Variants in INTS2 observed in about 807,000 individuals in gnomAD.
INTS2 encodes the protein integrator complex subunit 2, also known as KIAA1287.
INTS2 carries 57 observed loss-of-function variants against 139.6 expected under a neutral mutation model. The ratio of observed to expected loss-of-function variants is 0.41; its 90% CI spans 0.33 to 0.51. INTS2 has a LOEUF of 0.51. Ranked by LOEUF, INTS2 falls within the 20% of genes least tolerant of loss-of-function variation. INTS2 has a pLI of 0.28. For missense variants in INTS2, 1,196 were observed against 1,436.7 expected, an observed-to-expected ratio of 0.83 and a Z score of 2.71; for synonymous variants, 473 against 493.4, an observed-to-expected ratio of 0.96 and a Z score of 0.55.
intron 13 of INTS2, among the ~76,000 whole-genome samples, chr17:61,892,041 G>C (rs1159127375): frequency 6.6e-6 from 1 of 152,100 alleles, no homozygotes; most frequent in Non-Finnish European, 1.5e-5. Context: ...TTTGGAGAGA[G>C]AGAGATAGGT....
In INTS2 at chr17:61,927,862, G is replaced by T. The variant is rs568361766; in HGVS notation, c.-227C>A. ...GTCGATACAAAGTGGGAAGGATGGG[G>T]GCACCACACAAAGGCAGAACCGGGA... On this transcript the variant is annotated 5_prime_UTR_variant, in exon 1 of 25. Transcript: ENST00000251334. 1 of 1,613,724 alleles carries T rather than the reference G, an allele frequency of 6.2e-7. No individual in the cohort carries two copies. The highest frequency in any genetic ancestry group is 1.3e-5 in the African/African-American group (1 of 74,888).
chr17:61,882,978 G>GA lies in INTS2; in HGVS notation c.2090-1808dup, dbSNP rs1260705015. On this transcript the variant is annotated intron_variant, in intron 16 of 24. Transcript: ENST00000251334. This position sits in a 1 kb window ranked among gnomAD's most constrained non-coding sequence, Gnocchi z 4.7. ...AACAATACGCAATTCCGTTCTCATA[G>GA]AAACAGCTTAAAATTGATGTTTCTG... Among the ~76,000 whole-genome samples the GA allele has an allele frequency of 6.6e-6, 1 of 152,050 alleles. No individual in the cohort carries two copies. Among genetic ancestry groups the GA allele is most frequent in the Non-Finnish European group, 1.5e-5 (1 of 68,016 alleles).
rs1292257625 is a variant in INTS2, at chr17:61,893,262, T to C, written c.1698+503A>G. 6.6e-6 allele frequency among the ~76,000 whole-genome samples: 1 copy of C among 152,140 alleles called. No individual in the cohort carries two copies. Among genetic ancestry groups the C allele is most frequent in the Non-Finnish European group, 1.5e-5 (1 of 68,040 alleles). ...TACTGTATAATTATATAATTATAATTACTATCCCTAATTACTATACTTATA... is the reference window on the plus strand; with the variant it reads ...TACTGTATAATTATATAATTATAATCACTATCCCTAATTACTATACTTATA... On this transcript the variant is annotated intron_variant, in intron 13 of 24. Transcript: ENST00000251334. The surrounding 1 kb of genome is among the most constrained non-coding windows in gnomAD (Gnocchi z 5.4).
In INTS2 at chr17:61,919,432, A is replaced by C; in HGVS notation, c.617T>G (p.Leu206Trp). 6.3e-7 allele frequency: 1 copy of C among 1,595,264 alleles called. No homozygotes were observed. The highest frequency in any genetic ancestry group is 8.6e-7 in the Non-Finnish European group (1 of 1,167,908). The change falls in exon 5 of 25, where the codon TTG becomes TGG. Residue 206 changes from leucine to tryptophan, a missense_variant. Around this residue, in one of 3 missense-constraint regions of INTS2, gnomAD observed 1,129 missense variants for 1,341.9 expected, o/e 0.84. Transcript: ENST00000251334. Reference protein sequence around the residue: ...VRNGAWFLCLLVANVPDSFNE... With the variant: ...VRNGAWFLCLWVANVPDSFNE... ...AAAACTATCAGGAACATTGGCCACC[A>C]AGAGACACAAGAACCAGGCACCATT...
intron 5 of INTS2, among the ~76,000 whole-genome samples, chr17:61,916,880 T>C (rs1049117638): frequency 2.6e-5 from 4 of 152,118 alleles, no homozygotes; most frequent in South Asian, 2.1e-4. Context: ...GGAGAAAATA[T>C]TGACAAAAAT....
chr17:61,878,082 G>A lies in INTS2; in HGVS notation c.2261C>T (p.Ser754Leu). 1 of 1,605,384 alleles carries A rather than the reference G, an allele frequency of 6.2e-7. No homozygotes were observed. Among genetic ancestry groups the A allele is most frequent in the Middle Eastern group, 1.7e-4 (1 of 6,048 alleles). ...HSPKQLQEAF[S>L]AVPVNNTQVM... ...TTGTGTGTTATTTACTGGGACAGCT[G>A]AAAATGCTAAAAAGAAAATTTAGCA... Residue 754 changes from serine to leucine, a missense_variant, in exon 18 of 25, where the codon TCA (serine) becomes TTA (leucine). Around this residue, in one of 3 missense-constraint regions of INTS2, gnomAD observed 1,129 missense variants for 1,341.9 expected, o/e 0.84. Coordinates refer to ENST00000251334, the MANE Select transcript of INTS2 (RefSeq NM_001351695.2).
chr17:61,917,290 T>G (rs570986114), intron 5 of INTS2, among the ~76,000 whole-genome samples: 32 of 152,174 alleles, frequency 2.1e-4, no homozygotes, highest in African/African-American at 7.7e-4. Context: ...GCTGGATATA[T>G]ACTCAAAGGA....
At chr17:61,908,240 C>T (rs1486090991) in intron 7 of INTS2, among the ~76,000 whole-genome samples, 2 of 152,090 alleles carry the variant, frequency 1.3e-5, no homozygotes, top group Admixed American at 6.6e-5. Context: ...CATGGTGAAA[C>T]CCCATCTCTA....
rs746350424 is a variant in INTS2, at chr17:61,897,546, A to G, written c.1417T>C (p.Leu473=). The G allele has an allele frequency of 6.2e-7, 1 of 1,604,464 alleles. No individual in the cohort carries two copies. Among genetic ancestry groups the G allele is most frequent in the South Asian group, 1.1e-5 (1 of 88,958 alleles). Residue 473 remains leucine (L), a synonymous_variant, in exon 11 of 25, where the codon TTA becomes CTA. Transcript: ENST00000251334. The surrounding 1 kb of genome is among the most constrained non-coding windows in gnomAD (Gnocchi z 4.4). Reference sequence around the variant, plus strand: ...CTGTGAAAGTACATAGCCACCAATAATAACATCTCCCCAAAAGAAGCAGAG... The same window carrying G: ...CTGTGAAAGTACATAGCCACCAATAGTAACATCTCCCCAAAAGAAGCAGAG... ...GVSASFGEML[L]LVAMYFHSNQ... is the part of the protein sequence containing the mutation.
Position 61,897,693 on chromosome 17 carries a change from T to C in INTS2, c.1354A>G (p.Ile452Val). The change falls in exon 10 of 25, where the codon ATA (isoleucine) becomes GTA (valine). Residue 452 changes from isoleucine (I) to valine (V), a missense_variant. Physicochemically the swap from Ile to Val is conservative, Grantham distance 29. Around this residue, in one of 3 missense-constraint regions of INTS2, gnomAD observed 1,129 missense variants for 1,341.9 expected, o/e 0.84. Coordinates refer to ENST00000251334, the MANE Select transcript of INTS2 (RefSeq NM_001351695.2). This position sits in a 1 kb window ranked among gnomAD's most constrained non-coding sequence, Gnocchi z 4.4. ...QLMVVWLSWM[I>V]KEEAYFESTS... ...CTCTCAAAATACGCTTCTTCTTTTA[T>C]CATCCAACTTAGCCACACCACCATC... The C allele has an allele frequency of 2.5e-6, 4 of 1,608,242 alleles. No homozygotes were observed. Among genetic ancestry groups the C allele is most frequent in the Non-Finnish European group, 3.4e-6 (4 of 1,177,096 alleles).
intron 15 of INTS2, chr17:61,885,316 T>A (rs2079216042): frequency 2.9e-6 from 1 of 345,612 alleles, no homozygotes; most frequent in East Asian, 6.1e-5. Context: ...GAGTCAAGAT[T>A]TTCCAAAACC....
At chr17:61,904,113 G>T (rs575867716) in intron 9 of INTS2, among the ~76,000 whole-genome samples, 132 of 152,236 alleles carry the variant, frequency 8.7e-4, no homozygotes, top group African/African-American at 3.1e-3. Context: ...TAAATAAAAT[G>T]AATCAGATGC....
intron 4 of INTS2, among the ~76,000 whole-genome samples, chr17:61,919,990 G>A (rs74847274): frequency 0.02 from 2,993 of 152,084 alleles, 94 homozygotes; most frequent in African/African-American, 0.068. Flanking sequence ...GAACCAAGCT[G>A]TCCAGTAGGA....
intron 17 of INTS2, among the ~76,000 whole-genome samples, chr17:61,878,952 A>AAC (rs2079152124): frequency 6.7e-6 from 1 of 148,860 alleles, no homozygotes; most frequent in Non-Finnish European, 1.5e-5. Flanking sequence ...AAAAAAAAAA[A>AAC]AACACTTTAC....
chr17:61,888,086 C>T (rs1391850950), intron 15 of INTS2, among the ~76,000 whole-genome samples: 1 of 149,764 alleles, frequency 6.7e-6, no homozygotes, highest in African/African-American at 2.5e-5. Context: ...AAACTACACA[C>T]AAAGGTCAGG....
intron 16 of INTS2, among the ~76,000 whole-genome samples, 165 bp from the exon 17 acceptor site, chr17:61,881,336 C>T (rs1411435917): frequency 6.6e-6 from 1 of 152,174 alleles, no homozygotes; most frequent in Non-Finnish European, 1.5e-5. Context: ...GTGGCTCATG[C>T]CTGTAATCCC....
rs375326339 is a variant in INTS2, at chr17:61,925,047, G to C, written c.346C>G (p.His116Asp). 11 of 1,613,518 alleles carry C rather than the reference G, an allele frequency of 6.8e-6. No individual in the cohort carries two copies. Among genetic ancestry groups the C allele is most frequent in the Non-Finnish European group, 8.5e-6 (10 of 1,179,650 alleles). ...GESILVSQLQHGLTLEFEHSD... is the reference protein window; with the variant it reads ...GESILVSQLQDGLTLEFEHSD... ...TGTTCAAACTCTAACGTCAGTCCAT[G>C]CTGAAGCTGTGATACCAGGATGCTC... The change falls in exon 3 of 25, where the codon CAT (histidine) becomes GAT (aspartate). Residue 116 changes from histidine to aspartate, a missense_variant. Around this residue, in one of 3 missense-constraint regions of INTS2, gnomAD observed 1,129 missense variants for 1,341.9 expected, o/e 0.84. Transcript: ENST00000251334.
rs1218432525 is a variant in INTS2, at chr17:61,923,353, T to G, written c.433-1526A>C. ...TTAGCCAGGCATGGTGGCGGGCACC[T>G]GTAGTCCCAGCTACTCGGGAGGCTG... On this transcript the variant is annotated intron_variant, in intron 3 of 24. Transcript: ENST00000251334. Among the ~76,000 whole-genome samples the G allele has an allele frequency of 3.3e-5, 5 of 151,296 alleles. No individual in the cohort carries two copies. In the South Asian group the frequency reaches 1.0e-3, roughly 32 times the overall value.
intron 3 of INTS2, among the ~76,000 whole-genome samples, chr17:61,924,589 C>T (rs1034972848): frequency 3.9e-5 from 6 of 152,234 alleles, no homozygotes; most frequent in East Asian, 3.9e-4. Context: ...GAGGCTGAGG[C>T]GGGTGGATCA....
Sources: gnomAD v4.1 joint callset for allele counts (sites outside exome capture counted in the v4.1 genomes callset) on GRCh38, gnomAD v4.1.1 for gene constraint, gnomAD v4.1.1 regional missense constraint, Gnocchi (gnomAD v3.1) non-coding constraint, MANE v1.5 for transcripts, NCBI Gene and HGNC (gene_info 2026-07-23, HGNC 2026-07-21) for gene names.